ANKRD6: variants seen among roughly 807,000 people sequenced by gnomAD.
ANKRD6 encodes the protein ankyrin repeat domain-containing protein 6.
In ANKRD6, 56 loss-of-function variants were observed where a neutral mutation model predicts 82.3. The ratio of observed to expected loss-of-function variants is 0.68; its 90% CI spans 0.55 to 0.85. The LOEUF (loss-of-function observed/expected upper bound fraction) is 0.85, where lower values mean the gene tolerates loss of function less well. ANKRD6 is among the 40% of genes least tolerant of loss of function. The probability of loss-of-function intolerance (pLI) is 0.00; values close to 1 mark genes in which losing one functional copy is unlikely to be tolerated. For missense variants in ANKRD6, 852 were observed against 907.6 expected, an observed-to-expected ratio of 0.94 and a Z score of 0.79; for synonymous variants, 347 against 352.1, an observed-to-expected ratio of 0.99 and a Z score of 0.16.
intron 1 of ANKRD6, among the ~76,000 whole-genome samples, chr6:89,541,367 G>A (rs528213817): frequency 1.5e-5 from 2 of 131,484 alleles, no homozygotes; most frequent in South Asian, 2.5e-4. Flanking sequence ...TTATTTCTAG[G>A]TATTTAATTT....
Position 89,630,539 on chromosome 6 carries a change from A to G in ANKRD6, c.1719A>G (p.Arg573=). ...CCCTCAACTCCACTGCTACCCAGAG[A>G]CTCCAGCAGGAGCTGTCGTCTTCTG... ...EKALNSTATQ[R]LQQELSSSDC... The change falls in exon 16 of 16, where the codon AGA becomes AGG. Residue 573 remains arginine (R), a synonymous_variant. Coordinates refer to ENST00000339746, the MANE Select transcript of ANKRD6 (RefSeq NM_001242809.2). The G allele has an allele frequency of 6.2e-7, 1 of 1,613,904 alleles. No individual in the cohort carries two copies. Among genetic ancestry groups the G allele is most frequent in the South Asian group, 1.1e-5 (1 of 91,074 alleles).
chr6:89,623,073 T>C (rs1038862496), intron 10 of ANKRD6, among the ~76,000 whole-genome samples: 3 of 151,808 alleles, frequency 2.0e-5, no homozygotes, highest in Non-Finnish European at 4.4e-5. Context: ...GAGTGAGTTA[T>C]GTTTTGTTGA....
chr6:89,605,177 T>A (rs1798219679), intron 4 of ANKRD6, among the ~76,000 whole-genome samples: 1 of 151,486 alleles, frequency 6.6e-6, no homozygotes, highest in Non-Finnish European at 1.5e-5. Flanking sequence ...AGGTCAGGAG[T>A]TCAAGACCAG....
chr6:89,476,465 G>C (rs1291558963), intron 1 of ANKRD6, among the ~76,000 whole-genome samples: 4 of 152,178 alleles, frequency 2.6e-5, no homozygotes, highest in African/African-American at 9.6e-5. Context: ...CTGGCACCCA[G>C]CCAATATGTG....
At chr6:89,616,432 G>A in intron 7 of ANKRD6, 127 bp from the exon 8 acceptor site, 1 of 770,790 alleles carries the variant, frequency 1.3e-6, no homozygotes, top group Non-Finnish European at 2.2e-6. Context: ...TTAACAAAGG[G>A]CCCCATTTCA....
At chr6:89,568,647 T>C (rs1021586407) in intron 2 of ANKRD6, among the ~76,000 whole-genome samples, 1 of 151,900 alleles carries the variant, frequency 6.6e-6, no homozygotes, top group African/African-American at 2.4e-5. Context: ...GTCATGAGAG[T>C]GGAGCCCTTG....
In ANKRD6 at chr6:89,455,994, C is replaced by T. The variant is rs149029925; in HGVS notation, c.-144+22619C>T. On this transcript the variant is annotated intron_variant, in intron 1 of 15. Transcript: ENST00000339746. ...GTTCAAGCGATTCTCCTGCTTCAGC[C>T]TCCTGAGTAACTGGGATTACAGGCA... is the stretch of plus-strand genomic sequence containing the variant. Among the ~76,000 whole-genome samples, 1,183 of 152,266 alleles carry T rather than the reference C, an allele frequency of 7.8e-3. 18 individuals are homozygous for T. Among genetic ancestry groups the T allele is most frequent in the African/African-American group, 0.027 (1,106 of 41,544 alleles).
chr6:89,598,896 A>T (rs1472658826), intron 3 of ANKRD6, among the ~76,000 whole-genome samples: 1 of 152,126 alleles, frequency 6.6e-6, no homozygotes, highest in Non-Finnish European at 1.5e-5. Context: ...GATGCATCTG[A>T]CCTTTTCTGA....
At chr6:89,489,625 A>T (rs1339143623) in intron 1 of ANKRD6, among the ~76,000 whole-genome samples, 1 of 152,236 alleles carries the variant, frequency 6.6e-6, no homozygotes, top group Non-Finnish European at 1.5e-5. Context: ...CTACCTTAGG[A>T]TTGTATCAGG....
At chr6:89,516,800 T>C (rs1781282209) in intron 1 of ANKRD6, among the ~76,000 whole-genome samples, 1 of 152,202 alleles carries the variant, frequency 6.6e-6, no homozygotes, top group Non-Finnish European at 1.5e-5. Flanking sequence ...TCAATATCCA[T>C]ATCTATCTGT....
In ANKRD6 at chr6:89,566,889, C is replaced by A. The variant is rs745994444; in HGVS notation, c.-88C>A. ...CTTCTGATGATTGTGAACATCTTTA[C>A]CTCTGGGTGCCAGGCCGGGCCAGTG... On this transcript the variant is annotated 5_prime_UTR_variant, in exon 2 of 16. Coordinates refer to ENST00000339746, the MANE Select transcript of ANKRD6 (RefSeq NM_001242809.2). 1.3e-6 allele frequency: 2 copies of A among 1,500,652 alleles called. No individual in the cohort carries two copies. The highest frequency in any genetic ancestry group is 1.8e-6 in the Non-Finnish European group (2 of 1,108,404). The allele number at this position is 1,500,652 out of a possible 1,614,324, so 93.0% of individuals were successfully genotyped here.
At chr6:89,613,667 C>A in intron 6 of ANKRD6, 125 bp from the exon 7 acceptor site, 1 of 851,286 alleles carries the variant, frequency 1.2e-6, no homozygotes. Flanking sequence ...GTTAAAAGAG[C>A]TGCTTATGAT....
chr6:89,531,069 A>G (rs1783081358), intron 1 of ANKRD6, among the ~76,000 whole-genome samples: 1 of 152,234 alleles, frequency 6.6e-6, no homozygotes. Context: ...TAAAGGATAC[A>G]TGATAAATCA....
At chr6:89,623,332 C>T (rs10944454) in intron 10 of ANKRD6, 78 bp from the exon 11 acceptor site, 193,643 of 1,500,862 alleles carry the variant, frequency 0.13, 13,963 homozygotes, top group Middle Eastern at 0.18. Context: ...TGGAATCTTG[C>T]AAAGAATATT....
intron 1 of ANKRD6, among the ~76,000 whole-genome samples, chr6:89,492,588 A>G (rs1582898495): frequency 6.6e-6 from 1 of 152,176 alleles, no homozygotes; most frequent in Admixed American, 6.5e-5. Flanking sequence ...TTGAACCTGC[A>G]CTTCTCACTG....
chr6:89,574,027 T>C (rs796960860), intron 2 of ANKRD6, among the ~76,000 whole-genome samples: 8 of 152,304 alleles, frequency 5.3e-5, no homozygotes, highest in African/African-American at 1.9e-4. Flanking sequence ...CACCACATCA[T>C]CACTGTGACC....
chr6:89,504,189 C>T (rs1398646612), intron 1 of ANKRD6, among the ~76,000 whole-genome samples: 1 of 151,674 alleles, frequency 6.6e-6, no homozygotes, highest in African/African-American at 2.4e-5. Context: ...CGGGGCTGTT[C>T]AGCATCCACG....
chr6:89,611,838 C>T (rs1385255046), intron 5 of ANKRD6, among the ~76,000 whole-genome samples: 2 of 152,234 alleles, frequency 1.3e-5, no homozygotes, highest in Non-Finnish European at 2.9e-5. Context: ...GGGATTGTAA[C>T]CACAGCTATT....
chr6:89,495,218 G>A (rs1202450227), intron 1 of ANKRD6, among the ~76,000 whole-genome samples: 1 of 152,184 alleles, frequency 6.6e-6, no homozygotes, highest in Non-Finnish European at 1.5e-5. Flanking sequence ...GGGCAACAGA[G>A]CGAGACTCCA....
Sources: allele counts gnomAD v4.1 joint callset (sites outside exome capture counted in the v4.1 genomes callset), GRCh38; gene constraint gnomAD v4.1.1; transcripts MANE v1.5; gene names NCBI Gene and HGNC (gene_info 2026-07-23, HGNC 2026-07-21).